Variants in RBM20 observed in about 807,000 individuals in gnomAD.
RBM20 encodes RNA-binding protein 20.
Under a neutral mutation model 110.1 loss-of-function variants are expected in RBM20, and 51 were observed. The observed-to-expected ratio is 0.46, with a 90% CI of 0.37 to 0.59. The LOEUF is 0.59. RBM20 is among the 20% of genes least tolerant of loss of function. The pLI is 0.00. For missense variants in RBM20, 1,512 were observed against 1,574.9 expected, an observed-to-expected ratio of 0.96 and a Z score of 0.68; for synonymous variants, 589 against 618.2, an observed-to-expected ratio of 0.95 and a Z score of 0.70.
At chr10:110,835,564 G>A (rs1325004892) in intron 13 of RBM20, 2 of 178,722 alleles carry the variant, frequency 1.1e-5, no homozygotes, top group Non-Finnish European at 2.3e-5. Context: ...CTCAACTCCC[G>A]ACCTCAGGTG....
chr10:110,764,105 G>A (rs111497255), intron 1 of RBM20, among the ~76,000 whole-genome samples: 9 of 152,200 alleles, frequency 5.9e-5, no homozygotes, highest in Admixed American at 3.9e-4. Context: ...GGTCATCTCC[G>A]TTCATCTCCT....
At chr10:110,817,462 G>A (rs1408273557) in intron 9 of RBM20, among the ~76,000 whole-genome samples, 2 of 152,158 alleles carry the variant, frequency 1.3e-5, no homozygotes, top group East Asian at 1.9e-4. Context: ...AGACAGGTGA[G>A]AACTTGTTAT....
At chr10:110,729,900 A>G (rs931423923) in intron 1 of RBM20, among the ~76,000 whole-genome samples, 1 of 152,082 alleles carries the variant, frequency 6.6e-6, no homozygotes, top group East Asian at 1.9e-4. Flanking sequence ...ACTGCGACCT[A>G]CGCCTCCCAG....
chr10:110,829,929 A>T (rs1845028095), intron 12 of RBM20, among the ~76,000 whole-genome samples: 1 of 152,196 alleles, frequency 6.6e-6, no homozygotes, highest in African/African-American at 2.4e-5. Context: ...GCAGCCTGCA[A>T]GTGGGATTGG....
intron 1 of RBM20, among the ~76,000 whole-genome samples, chr10:110,687,016 G>A (rs1280250766): frequency 1.3e-5 from 2 of 149,902 alleles, no homozygotes; most frequent in African/African-American, 4.9e-5. Flanking sequence ...TACAGCCTGG[G>A]TAACAGAGCG....
intron 1 of RBM20, among the ~76,000 whole-genome samples, chr10:110,763,766 T>A (rs1414462400): frequency 6.6e-6 from 1 of 150,658 alleles, no homozygotes; most frequent in African/African-American, 2.4e-5. Context: ...TTTTTTTTTT[T>A]TTTTTTTTTG....
intron 1 of RBM20, among the ~76,000 whole-genome samples, chr10:110,750,550 G>A (rs1053540973): frequency 1.2e-4 from 18 of 152,164 alleles, no homozygotes; most frequent in African/African-American, 4.3e-4. Flanking sequence ...TCCAAGCATG[G>A]GGAAATTGTT....
At chr10:110,715,839 G>C (rs1863007355) in intron 1 of RBM20, among the ~76,000 whole-genome samples, 1 of 152,098 alleles carries the variant, frequency 6.6e-6, no homozygotes, top group Non-Finnish European at 1.5e-5. Context: ...CCCCAGCCTG[G>C]AGATAGCATC....
chr10:110,719,959 T>C (rs1333595848), intron 1 of RBM20, among the ~76,000 whole-genome samples: 1 of 151,772 alleles, frequency 6.6e-6, no homozygotes, highest in Non-Finnish European at 1.5e-5. Context: ...CACCAGCAAA[T>C]TTGATGTCTG....
intron 1 of RBM20, among the ~76,000 whole-genome samples, chr10:110,683,772 G>A (rs1564814796): frequency 1.3e-5 from 2 of 152,166 alleles, no homozygotes; most frequent in Non-Finnish European, 2.9e-5. Context: ...TTTAAAATAG[G>A]AGAAACTTCT....
chr10:110,666,279 C>T (rs893733320), intron 1 of RBM20, among the ~76,000 whole-genome samples: 1 of 152,190 alleles, frequency 6.6e-6, no homozygotes, highest in African/African-American at 2.4e-5. Flanking sequence ...AGCTCAGCCA[C>T]TTGGCCAGTT....
At chr10:110,768,820 G>C (rs746368888) in intron 1 of RBM20, among the ~76,000 whole-genome samples, 2 of 152,182 alleles carry the variant, frequency 1.3e-5, no homozygotes, top group Non-Finnish European at 2.9e-5. Context: ...TGTTCTCTGG[G>C]GGAAATCTTG....
intron 1 of RBM20, among the ~76,000 whole-genome samples, chr10:110,711,779 G>A (rs1367403295): frequency 1.3e-5 from 2 of 152,186 alleles, no homozygotes; most frequent in Admixed American, 6.5e-5. Context: ...TATCATCTGC[G>A]TACAATGCTA....
At chr10:110,809,734 T>C (rs1243880336) in intron 7 of RBM20, among the ~76,000 whole-genome samples, 1 of 152,126 alleles carries the variant, frequency 6.6e-6, no homozygotes, top group African/African-American at 2.4e-5. Context: ...GCTTGAGGTG[T>C]TGAAGGGGGC....
chr10:110,772,242 T>C (rs1387010568), intron 1 of RBM20, among the ~76,000 whole-genome samples: 1 of 152,248 alleles, frequency 6.6e-6, no homozygotes, highest in Non-Finnish European at 1.5e-5. Flanking sequence ...GAGAATTTTA[T>C]AATAAAGTAT....
At chr10:110,727,412 T>TAAAAAAAAAAAATAA (rs753041080) in intron 1 of RBM20, among the ~76,000 whole-genome samples, 17 of 68,918 alleles carry the variant, frequency 2.5e-4, no homozygotes, top group African/African-American at 4.5e-4. Context: ...AAAATAAAAA[T>TAAAAAAAAAAAATAA]AAAAAAAAAA....
chr10:110,824,359 T>G (rs1844955887), intron 12 of RBM20, among the ~76,000 whole-genome samples: 1 of 152,172 alleles, frequency 6.6e-6, no homozygotes, highest in Non-Finnish European at 1.5e-5. Context: ...TTTTTTCTCT[T>G]TAAAGGACCA....
intron 1 of RBM20, among the ~76,000 whole-genome samples, chr10:110,650,781 A>G (rs1861935223): frequency 6.6e-6 from 1 of 152,122 alleles, no homozygotes; most frequent in Non-Finnish European, 1.5e-5. Flanking sequence ...CTTCCCGAAT[A>G]TGTTTTTAAG....
intron 12 of RBM20, among the ~76,000 whole-genome samples, chr10:110,830,273 C>G (rs1845033623): frequency 6.6e-6 from 1 of 152,230 alleles, no homozygotes; most frequent in Non-Finnish European, 1.5e-5. Context: ...GGATGACTCC[C>G]CTGGCTGTGA....
Sources: gnomAD v4.1 joint callset for allele counts (sites outside exome capture counted in the v4.1 genomes callset) on GRCh38, gnomAD v4.1.1 for gene constraint, MANE v1.5 for transcripts, NCBI Gene and HGNC (gene_info 2026-07-23, HGNC 2026-07-21) for gene names.